The following INTS12 variants were observed in gnomAD, a reference collection of about 807,000 sequenced individuals.
The protein encoded by INTS12 is PHD finger protein 22.
A neutral mutation model predicts 41.6 loss-of-function variants in INTS12; 13 were observed. The observed-to-expected ratio is 0.31, with a 90% CI of 0.20 to 0.50. The LOEUF is 0.50. INTS12 is among the 20% of genes least tolerant of loss of function. The pLI, the probability that INTS12 is intolerant of heterozygous loss-of-function variation, is 0.98. For missense variants in INTS12, 432 were observed against 541.6 expected (o/e 0.80, Z 2.01); for synonymous variants, 199 against 191.4 (o/e 1.04, Z -0.33).
chr4:105,695,583 T>C lies in INTS12; in HGVS notation c.242A>G (p.Asn81Ser), dbSNP rs1157325369. ...PKISSSLPSG[N>S]NNGKVLTTEK... Reference sequence around the variant, plus strand: ...AGTTGTGAGGACCTTGCCATTATTATTACCAGAAGGAAGACTGGATGATAT... The same window carrying C: ...AGTTGTGAGGACCTTGCCATTATTACTACCAGAAGGAAGACTGGATGATAT... Residue 81 changes from asparagine (N) to serine (S), a missense_variant, in exon 4 of 8, where the codon AAT becomes AGT. Asn to Ser is a conservative substitution (Grantham distance 46). Transcript: ENST00000340139. The C allele has an allele frequency of 1.2e-6, 2 of 1,613,146 alleles. No homozygotes were observed. Among genetic ancestry groups the C allele is most frequent in the South Asian group, 1.1e-5 (1 of 90,984 alleles).
At chr4:105,693,124 C>T (rs1731745108) in intron 5 of INTS12, among the ~76,000 whole-genome samples, 175 bp downstream of exon 5, 1 of 152,152 alleles carries the variant, frequency 6.6e-6, no homozygotes, top group African/African-American at 2.4e-5. Flanking sequence ...TGACAATTTT[C>T]AATATGCTAA....
intron 6 of INTS12, 48 bp downstream of exon 6, chr4:105,691,928 C>T (rs772156246): frequency 1.7e-5 from 23 of 1,389,162 alleles, no homozygotes; most frequent in South Asian, 8.2e-5. Flanking sequence ...CACATACCAA[C>T]AAAAACATTG....
chr4:105,695,839 A>G (rs1172483357), intron 3 of INTS12, among the ~76,000 whole-genome samples, 171 bp from the exon 4 acceptor site: 2 of 152,096 alleles, frequency 1.3e-5, no homozygotes, highest in Non-Finnish European at 2.9e-5. Context: ...TTGATATACA[A>G]ACTGTACCTT....
At chr4:105,689,819 T>C (rs1731622762) in intron 6 of INTS12, among the ~76,000 whole-genome samples, 2 of 152,068 alleles carry the variant, frequency 1.3e-5, no homozygotes, top group Admixed American at 6.5e-5. Flanking sequence ...GGTGGGAGGA[T>C]TGCTTGAGCC....
chr4:105,693,865 T>C (rs1731771384), intron 4 of INTS12, among the ~76,000 whole-genome samples: 1 of 151,354 alleles, frequency 6.6e-6, no homozygotes. Context: ...GATATAAATA[T>C]TATCAATATA....
intron 4 of INTS12, 81 bp from the exon 5 acceptor site, chr4:105,693,567 C>G: frequency 8.7e-7 from 1 of 1,147,266 alleles, no homozygotes; most frequent in Non-Finnish European, 1.3e-6. Context: ...GTGAGAAGGA[C>G]AATTGGCAAT....
At chr4:105,689,096 G>A (rs1409146013) in intron 6 of INTS12, among the ~76,000 whole-genome samples, 1 of 152,216 alleles carries the variant, frequency 6.6e-6, no homozygotes, top group Non-Finnish European at 1.5e-5. Flanking sequence ...ACCTTAGATT[G>A]AGAACCACTG....
Position 105,683,195 on chromosome 4 carries a change from T to C in INTS12, c.927A>G (p.Lys309=). The C allele has an allele frequency of 6.2e-7, 1 of 1,614,092 alleles. No individual in the cohort carries two copies. Among genetic ancestry groups the C allele is most frequent in the South Asian group, 1.1e-5 (1 of 91,080 alleles). Residue 309 remains lysine (K), a synonymous_variant, in exon 8 of 8, where the codon AAA becomes AAG. Coordinates refer to ENST00000340139, the MANE Select transcript of INTS12 (RefSeq NM_020395.4). ...TATTGTTTTGTGTTGTTGAACTCAA[T>C]TTTGCTGTTGAAGGACCAGCAGAGG... ...KTSSAGPSTA[K]LSSTTQNNTG... is the part of the protein sequence containing the mutation.
At chr4:105,703,473 G>A (rs1161568148) in intron 2 of INTS12, among the ~76,000 whole-genome samples, 175 bp downstream of exon 2, 1 of 151,980 alleles carries the variant, frequency 6.6e-6, no homozygotes, top group Non-Finnish European at 1.5e-5. Flanking sequence ...ATTGCAGTAT[G>A]CCGTTTACTT....
chr4:105,708,568 C>G, intron 1 of INTS12, 70 bp downstream of exon 1: 1 of 985,366 alleles, frequency 1.0e-6, no homozygotes. Flanking sequence ...GCTACTCTCC[C>G]ACCTCGCTCC....
chr4:105,695,294 T>C (rs947197708), intron 4 of INTS12, among the ~76,000 whole-genome samples: 11 of 152,108 alleles, frequency 7.2e-5, no homozygotes, highest in Non-Finnish European at 1.3e-4. Flanking sequence ...ACTCAAATAT[T>C]TATTGACAAT....
intron 7 of INTS12, 64 bp downstream of exon 7, chr4:105,686,628 C>A: frequency 7.7e-7 from 1 of 1,290,778 alleles, no homozygotes. Context: ...TTTTATCAAG[C>A]AACTATTTTT....
intron 1 of INTS12, chr4:105,708,338 A>T: frequency 1.0e-6 from 1 of 985,636 alleles, no homozygotes; most frequent in Non-Finnish European, 1.2e-6. Flanking sequence ...TGAGGGAGCT[A>T]CGTAGAGAAG....
chr4:105,708,244 T>C (rs1199088380), intron 1 of INTS12: 2 of 985,200 alleles, frequency 2.0e-6, no homozygotes, highest in African/African-American at 1.7e-5. Flanking sequence ...AAAAGGAATG[T>C]CAATCCTTTG....
chr4:105,688,597 T>C (rs558610048), intron 6 of INTS12, among the ~76,000 whole-genome samples: 16 of 152,308 alleles, frequency 1.1e-4, no homozygotes, highest in African/African-American at 3.9e-4. Context: ...CATCTTATCC[T>C]TCATTGCAAA....
At chr4:105,698,457 T>C (rs1731947592) in intron 3 of INTS12, among the ~76,000 whole-genome samples, 1 of 152,212 alleles carries the variant, frequency 6.6e-6, no homozygotes, top group Non-Finnish European at 1.5e-5. Flanking sequence ...AGAAATGAAC[T>C]CTAGCTAGAA....
chr4:105,695,130 T>C (rs1360845854), intron 4 of INTS12, among the ~76,000 whole-genome samples: 1 of 150,026 alleles, frequency 6.7e-6, no homozygotes, highest in Admixed American at 6.7e-5. Context: ...GGTTTCATCA[T>C]GTTGCCCAGG....
chr4:105,694,732 T>C (rs1731800092), intron 4 of INTS12, among the ~76,000 whole-genome samples: 1 of 152,228 alleles, frequency 6.6e-6, no homozygotes, highest in African/African-American at 2.4e-5. Context: ...ATACTCCATC[T>C]TGAGGGCAAG....
At position 105,682,912 on chromosome 4, in the gene INTS12, T is replaced by A; in HGVS notation, c.1210A>T (p.Asn404Tyr). The A allele has an allele frequency of 6.2e-7, 1 of 1,614,098 alleles. No homozygotes were observed. Among genetic ancestry groups the A allele is most frequent in the African/African-American group, 1.3e-5 (1 of 75,042 alleles). ...GGTCCTGATGTTCCACTATTTCCAT[T>A]CCCACTTAGTTGGCTGCTGCTTCCT... ...VPGSSSQLSG[N>Y]GNSGTSGPSG... The change falls in exon 8 of 8, where the codon AAT becomes TAT. Residue 404 changes from asparagine (N) to tyrosine (Y), a missense_variant. By Grantham distance (143) the Asn-to-Tyr change is moderately radical (BLOSUM62 -2). Around this residue, in one of 3 missense-constraint regions of INTS12, gnomAD observed 258 missense variants for 309.9 expected, o/e 0.83. Coordinates refer to ENST00000340139, the MANE Select transcript of INTS12 (RefSeq NM_020395.4).
Sources: allele counts gnomAD v4.1 joint callset (sites outside exome capture counted in the v4.1 genomes callset), GRCh38; gene constraint gnomAD v4.1.1; regional missense constraint gnomAD v4.1.1; transcripts MANE v1.5; gene names NCBI Gene and HGNC (gene_info 2026-07-23, HGNC 2026-07-21).